The following MLLT10 variants were observed in gnomAD, a reference collection of about 807,000 sequenced individuals.
The protein encoded by MLLT10 is protein AF-10.
Under a neutral mutation model 129.1 loss-of-function variants are expected in MLLT10, and 30 were observed. The observed-to-expected ratio is 0.23, with a 90% CI of 0.17 to 0.32. MLLT10 has a LOEUF of 0.32. Among genes scored for constraint, MLLT10 ranks in the 10% least tolerant of loss-of-function variants. The probability of loss-of-function intolerance (pLI) is 1.00; values close to 1 mark genes in which losing one functional copy is unlikely to be tolerated. For synonymous variants in MLLT10, 490 were observed against 446.4 expected (o/e 1.10, Z -1.23); for missense variants, 1,119 against 1,268.3 (o/e 0.88, Z 1.79).
At chr10:21,727,146 T>G (rs2057578531) in intron 15 of MLLT10, among the ~76,000 whole-genome samples, 1 of 152,184 alleles carries the variant, frequency 6.6e-6, no homozygotes, top group African/African-American at 2.4e-5. Flanking sequence ...AGAGGTTACC[T>G]GACTCAGAAT....
At chr10:21,559,714 T>A (rs187003206) in intron 3 of MLLT10, among the ~76,000 whole-genome samples, 191 of 152,346 alleles carry the variant, frequency 1.3e-3, no homozygotes, top group Non-Finnish European at 2.3e-3. Flanking sequence ...TTTGTTCTTT[T>A]GTACGTAGCT....
At chr10:21,549,244 C>A (rs985223608) in intron 3 of MLLT10, among the ~76,000 whole-genome samples, 23 of 151,928 alleles carry the variant, frequency 1.5e-4, no homozygotes, top group African/African-American at 5.6e-4. Context: ...CTGCCTCAGC[C>A]TCCCCAGTAG....
chr10:21,591,713 G>A (rs1441893132), intron 4 of MLLT10, among the ~76,000 whole-genome samples: 2 of 151,294 alleles, frequency 1.3e-5, no homozygotes, highest in Non-Finnish European at 2.9e-5. Context: ...AGTCTCTACT[G>A]AGTGTACAAC....
chr10:21,654,511 G>A (rs1309315226), intron 9 of MLLT10, among the ~76,000 whole-genome samples: 1 of 152,118 alleles, frequency 6.6e-6, no homozygotes, highest in Non-Finnish European at 1.5e-5. Flanking sequence ...GAGTATTAGA[G>A]ATTTGAGTGA....
rs576115071 is a variant in MLLT10 at position 21,583,678 on chromosome 10, T to A, written c.241-2616T>A. 2.4e-4 allele frequency among the ~76,000 whole-genome samples: 36 copies of A among 152,150 alleles called. 1 individual carries two copies. The South Asian group carries it at 7.5e-3, about 32-fold the overall frequency. ...AAGGGAGCAAGGTGGCAGGCTCTTT[T>A]TACCAATCAGATCTCACATGAGCTA... On this transcript the variant is annotated intron_variant, in intron 3 of 22. Coordinates refer to ENST00000307729, the MANE Select transcript of MLLT10 (RefSeq NM_001195626.3).
At chr10:21,562,413 C>T (rs568047668) in intron 3 of MLLT10, among the ~76,000 whole-genome samples, 1 of 151,938 alleles carries the variant, frequency 6.6e-6, no homozygotes, top group South Asian at 2.1e-4. Context: ...TCTCAGCTCA[C>T]TGCAACCTCT....
chr10:21,579,991 TTC>T (rs2041225167), intron 3 of MLLT10, among the ~76,000 whole-genome samples: 1 of 151,982 alleles, frequency 6.6e-6, no homozygotes. Flanking sequence ...ATTTAAAAAA[TTC>T]TTTGTTTTTT....
At chr10:21,646,599 T>A (rs1425172918) in intron 8 of MLLT10, among the ~76,000 whole-genome samples, 1 of 152,140 alleles carries the variant, frequency 6.6e-6, no homozygotes, top group Non-Finnish European at 1.5e-5. Flanking sequence ...ACACGGCTAT[T>A]TTAAGGATTG....
At chr10:21,651,134 C>T (rs761342369) in intron 8 of MLLT10, among the ~76,000 whole-genome samples, 8 of 152,092 alleles carry the variant, frequency 5.3e-5, no homozygotes, top group Non-Finnish European at 7.3e-5. Flanking sequence ...TGCAGTGGAA[C>T]GATCTTGGCT....
At chr10:21,663,524 G>T (rs1052747949) in intron 9 of MLLT10, among the ~76,000 whole-genome samples, 1 of 151,184 alleles carries the variant, frequency 6.6e-6, no homozygotes, top group South Asian at 2.1e-4. Context: ...TTACAGGCAT[G>T]TGCCACCATG....
At chr10:21,735,918 G>A (rs921128703) in intron 21 of MLLT10, among the ~76,000 whole-genome samples, 1 of 152,068 alleles carries the variant, frequency 6.6e-6, no homozygotes, top group Non-Finnish European at 1.5e-5. Context: ...AGCCACTGGC[G>A]AGTTTTTAAA....
intron 17 of MLLT10, 113 bp downstream of exon 17, chr10:21,731,167 AT>A: frequency 1.1e-6 from 1 of 950,486 alleles, no homozygotes; most frequent in Non-Finnish European, 1.6e-6. Context: ...TATGATATAC[AT>A]TTTATATAAT....
intron 5 of MLLT10, among the ~76,000 whole-genome samples, chr10:21,603,153 A>G (rs1042911347): frequency 7.5e-5 from 11 of 146,978 alleles, no homozygotes; most frequent in African/African-American, 2.8e-4. Context: ...CCCGAGTTCA[A>G]GCCATTCTCC....
chr10:21,609,874 TTC>T (rs1214076495), intron 5 of MLLT10, among the ~76,000 whole-genome samples: 3 of 152,100 alleles, frequency 2.0e-5, no homozygotes, highest in East Asian at 1.9e-4. Flanking sequence ...GTGTGATGTT[TTC>T]TCTCTCACAC....
chr10:21,603,735 G>A (rs978660501), intron 5 of MLLT10, among the ~76,000 whole-genome samples: 2 of 152,036 alleles, frequency 1.3e-5, no homozygotes, highest in African/African-American at 4.8e-5. Flanking sequence ...TATCAGCTGG[G>A]TGGATCCTTT....
In MLLT10 at chr10:21,742,825, A is replaced by G. The variant is rs1471254510; in HGVS notation, c.*842A>G. ...AGGGCTGTAGACAGCAGGGTGGGAC[A>G]GTCAGTCCTCCGAGCAGCAGGAATC... is the stretch of plus-strand genomic sequence containing the variant. On this transcript the variant is annotated 3_prime_UTR_variant, in exon 23 of 23. Coordinates refer to ENST00000307729, the MANE Select transcript of MLLT10 (RefSeq NM_001195626.3). The G allele has an allele frequency of 4.4e-6, 1 of 228,004 alleles. No individual in the cohort carries two copies. 14.1% of individuals were successfully genotyped at this position (228,004 alleles called of 1,614,324 possible).
chr10:21,604,660 A>G (rs768900683), intron 5 of MLLT10, among the ~76,000 whole-genome samples: 9 of 152,290 alleles, frequency 5.9e-5, no homozygotes, highest in East Asian at 3.9e-4. Context: ...CTGAGATGCA[A>G]TGGTGGGACA....
intron 3 of MLLT10, among the ~76,000 whole-genome samples, chr10:21,565,534 G>A (rs2131014534): frequency 6.6e-6 from 1 of 151,242 alleles, no homozygotes; most frequent in African/African-American, 2.4e-5. Flanking sequence ...GTCTCGAGCT[G>A]TTGACCTCGT....
At chr10:21,586,880 G>A (rs920768033) in intron 4 of MLLT10, among the ~76,000 whole-genome samples, 11 of 148,850 alleles carry the variant, frequency 7.4e-5, no homozygotes, top group Admixed American at 2.7e-4. Flanking sequence ...GAAGGAGACT[G>A]TCTCCAAAAA....
Sources: gnomAD v4.1 joint callset for allele counts (sites outside exome capture counted in the v4.1 genomes callset) on GRCh38, gnomAD v4.1.1 for gene constraint, MANE v1.5 for transcripts, NCBI Gene and HGNC (gene_info 2026-07-23, HGNC 2026-07-21) for gene names.